Variants in BPIFA2 observed in about 807,000 individuals in gnomAD.
The protein encoded by BPIFA2 is BPI fold containing family A member 2, also known as BPI fold-containing family A member 2.
A neutral mutation model predicts 25.7 loss-of-function variants in BPIFA2; 20 were observed. The observed-to-expected ratio is 0.78, with a 90% confidence interval of 0.55 to 1.13. The LOEUF (loss-of-function observed/expected upper bound fraction) is 1.13, where lower values mean the gene tolerates loss of function less well. BPIFA2 is among the 50% of genes most tolerant of loss of function. The pLI is 0.00. For synonymous variants in BPIFA2, 126 were observed against 124.3 expected (o/e 1.01, Z -0.09); for missense variants, 300 against 298.1 (o/e 1.01, Z -0.05).
intron 2 of BPIFA2, among the ~76,000 whole-genome samples, chr20:33,169,748 A>G (rs1983838937): frequency 6.6e-6 from 1 of 152,062 alleles, no homozygotes; most frequent in Non-Finnish European, 1.5e-5. Flanking sequence ...CTTTTTTCAT[A>G]TATTTACTAT....
upstream of BPIFA2, chr20:33,168,077 C>G (rs1346940125): frequency 6.6e-6 from 1 of 152,220 alleles, no homozygotes; most frequent in Non-Finnish European, 1.5e-5. Flanking sequence ...CTTGGATGAT[C>G]CCAGAACCAA....
rs1363758073 is a variant in BPIFA2 at position 33,175,432 on chromosome 20, C to T, written c.436C>T (p.Leu146=). 3 of 1,613,880 alleles carry T rather than the reference C, an allele frequency of 1.9e-6. No homozygotes were observed. In the African/African-American group the frequency reaches 4.0e-5, roughly 22 times the overall value. Reference sequence around the variant, plus strand: ...GCCCATCATTGGCCAGATTATCAACCTGAAAGCCTCCTTGGACCTCCTGAC... The same window carrying T: ...GCCCATCATTGGCCAGATTATCAACTTGAAAGCCTCCTTGGACCTCCTGAC... The part of the protein sequence containing the change: ...AGPIIGQIIN[L]KASLDLLTAV... The change falls in exon 5 of 9, where the codon CTG becomes TTG. Residue 146 remains leucine (L), a synonymous_variant. Coordinates refer to ENST00000354932, the MANE Select transcript of BPIFA2 (RefSeq NM_080574.4).
At chr20:33,164,245 G>A (rs1473475949), upstream of BPIFA2, among the ~76,000 whole-genome samples, 2 of 152,218 alleles carry the variant, frequency 1.3e-5, no homozygotes, top group Non-Finnish European at 2.9e-5. Flanking sequence ...ACAGGGCCAG[G>A]CCCACTTTAG....
upstream of BPIFA2, among the ~76,000 whole-genome samples, chr20:33,166,416 T>A (rs896085647): frequency 6.6e-6 from 1 of 152,170 alleles, no homozygotes; most frequent in African/African-American, 2.4e-5. Context: ...TATGCGCACA[T>A]ATTCATCAGC....
At chr20:33,167,289 T>G (rs1036289307), upstream of BPIFA2, among the ~76,000 whole-genome samples, 3 of 152,156 alleles carry the variant, frequency 2.0e-5, no homozygotes, top group Non-Finnish European at 4.4e-5. Context: ...CCCACCCGAG[T>G]TTCCTGTGCT....
chr20:33,163,822 G>A (rs150335803), upstream of BPIFA2, among the ~76,000 whole-genome samples: 79 of 152,024 alleles, frequency 5.2e-4, no homozygotes, highest in East Asian at 0.015. Context: ...AGTATAAATG[G>A]CAGTGCACTG....
In BPIFA2 at chr20:33,175,467, A is replaced by T. The variant is rs1326637037; in HGVS notation, c.471A>T (p.Thr157=). The T allele has an allele frequency of 6.2e-7, 1 of 1,613,960 alleles. No homozygotes were observed. Among genetic ancestry groups the T allele is most frequent in the Non-Finnish European group, 8.5e-7 (1 of 1,179,974 alleles). Residue 157 remains threonine, a synonymous_variant, in exon 5 of 9, where the codon ACA becomes ACT. Coordinates refer to ENST00000354932, the MANE Select transcript of BPIFA2 (RefSeq NM_080574.4). ...KASLDLLTAV[T]IETDPQTHQP... The stretch of plus-strand genomic sequence containing the variant: ...CCTTGGACCTCCTGACCGCAGTCAC[A>T]ATTGAAACTGATCCCCAGACACACC...
intron 3 of BPIFA2, 125 bp downstream of exon 3, chr20:33,173,201 G>A (rs1045595081): frequency 9.0e-5 from 109 of 1,216,604 alleles, no homozygotes; most frequent in Non-Finnish European, 1.2e-4. Context: ...AGCCAAGGTG[G>A]TCTGAGCAAG....
At position 33,175,447 on chromosome 20, in the gene BPIFA2, G is replaced by T. The variant is rs748204182; in HGVS notation, c.451G>T (p.Asp151Tyr). The change falls in exon 5 of 9, where the codon GAC (aspartate) becomes TAC (tyrosine). Residue 151 changes from aspartate to tyrosine, a missense_variant. Asp to Tyr is a radical substitution (Grantham distance 160). Coordinates refer to ENST00000354932, the MANE Select transcript of BPIFA2 (RefSeq NM_080574.4). ...GQIINLKASL[D>Y]LLTAVTIETD... ...GATTATCAACCTGAAAGCCTCCTTG[G>T]ACCTCCTGACCGCAGTCACAATTGA... 2 of 1,613,930 alleles carry T rather than the reference G, an allele frequency of 1.2e-6. No homozygotes were observed. The highest frequency in any genetic ancestry group is 1.7e-4 in the Middle Eastern group (1 of 6,060).
intron 5 of BPIFA2, 82 bp downstream of exon 5, chr20:33,175,641 A>G: frequency 1.4e-6 from 2 of 1,447,336 alleles, no homozygotes; most frequent in Non-Finnish European, 1.9e-6. Context: ...TCTACCTAAG[A>G]GGAGGCCTAG....
intron 5 of BPIFA2, among the ~76,000 whole-genome samples, chr20:33,176,118 G>A (rs1984067820): frequency 6.6e-6 from 1 of 151,738 alleles, no homozygotes; most frequent in African/African-American, 2.4e-5. Flanking sequence ...TTGGGAGGGA[G>A]AGGGGAGAGT....
intron 2 of BPIFA2, among the ~76,000 whole-genome samples, chr20:33,172,415 T>A (rs573995220): frequency 0.084 from 12,745 of 151,984 alleles, 1,786 homozygotes; most frequent in African/African-American, 0.29. Context: ...AAAAAAAAAT[T>A]ATTATTATTG....
intron 7 of BPIFA2, among the ~76,000 whole-genome samples, chr20:33,180,042 A>T (rs1984220857): frequency 6.6e-6 from 1 of 151,956 alleles, no homozygotes; most frequent in East Asian, 1.9e-4. Flanking sequence ...ACACGGTGAA[A>T]CCCCATCTCT....
At chr20:33,164,456 G>T (rs1005463116), upstream of BPIFA2, among the ~76,000 whole-genome samples, 5 of 152,110 alleles carry the variant, frequency 3.3e-5, no homozygotes, top group African/African-American at 1.2e-4. Context: ...CTGTGGTCTT[G>T]CCCTCAGAGA....
chr20:33,175,147 A>G (rs1290437894), intron 4 of BPIFA2, among the ~76,000 whole-genome samples: 7 of 152,220 alleles, frequency 4.6e-5, no homozygotes, highest in Non-Finnish European at 8.8e-5. Context: ...TTGTCAATAA[A>G]TGTTAACTAT....
upstream of BPIFA2, among the ~76,000 whole-genome samples, chr20:33,163,650 C>T (rs1044015052): frequency 5.3e-5 from 8 of 152,078 alleles, no homozygotes; most frequent in East Asian, 3.8e-4. Context: ...GGTAAAACCC[C>T]GTCTCTACTA....
intron 5 of BPIFA2, 24 bp from the exon 6 acceptor site, chr20:33,178,121 CTT>C (rs1568610074): frequency 6.4e-7 from 1 of 1,559,464 alleles, no homozygotes; most frequent in South Asian, 1.1e-5. Context: ...CTTGACCAGA[CTT>C]TAATAGTTCC....
In BPIFA2 at chr20:33,169,291, A is replaced by G. The variant is rs756227487; in HGVS notation, c.146A>G (p.Asn49Ser). The G allele has an allele frequency of 6.2e-7, 1 of 1,613,998 alleles. No individual in the cohort carries two copies. ...VLHEGLETVD[N>S]TLKGILEKLK... ...CACGAGGGACTTGAGACAGTTGACA[A>G]TACTCTTAAAGGTAAATCAACAAGG... The change falls in exon 2 of 9, where the codon AAT becomes AGT. Residue 49 changes from asparagine (N) to serine (S), a missense_variant. Coordinates refer to ENST00000354932, the MANE Select transcript of BPIFA2 (RefSeq NM_080574.4).
chr20:33,168,925 T>G (rs1356591046), intron 1 of BPIFA2, among the ~76,000 whole-genome samples: 11 of 152,244 alleles, frequency 7.2e-5, no homozygotes, highest in African/African-American at 2.4e-5. Flanking sequence ...CAAGTCTGAC[T>G]TTTCAAATCC....
Sources: allele counts gnomAD v4.1 joint callset (sites outside exome capture counted in the v4.1 genomes callset), GRCh38; gene constraint gnomAD v4.1.1; transcripts MANE v1.5; gene names NCBI Gene and HGNC (gene_info 2026-07-23, HGNC 2026-07-21).